Variants in EPB41L4B observed in about 807,000 individuals in gnomAD.
EPB41L4B encodes the protein band 4.1-like protein 4B.
In EPB41L4B, 30 loss-of-function variants were observed where a neutral mutation model predicts 112.5. That is an observed-to-expected ratio of 0.27 (90% CI 0.20 to 0.36). The LOEUF is 0.36. Ranked by LOEUF, EPB41L4B falls within the 10% of genes least tolerant of loss-of-function variation. EPB41L4B has a pLI of 1.00. For missense variants in EPB41L4B, 1,024 were observed against 1,133.3 expected, an observed-to-expected ratio of 0.90 and a Z score of 1.38; for synonymous variants, 408 against 439.7, an observed-to-expected ratio of 0.93 and a Z score of 0.90.
rs377327663 is a variant in EPB41L4B, at chr9:109,240,766, T to C, written c.1409+2852A>G. 4.3e-5 allele frequency: 42 copies of C among 985,474 alleles called. No individual in the cohort carries two copies. In the East Asian group the frequency reaches 4.5e-3, roughly 107 times the overall value. 61.0% of individuals were successfully genotyped at this position (985,474 alleles called of 1,614,324 possible). ...ATGATCTTGATTGCACGTTGCTTTTTAAGAGTGAAGTCTAGGGTAAAAACC... is the reference window on the plus strand; with the variant it reads ...ATGATCTTGATTGCACGTTGCTTTTCAAGAGTGAAGTCTAGGGTAAAAACC... On this transcript the variant is annotated intron_variant, in intron 15 of 25. Transcript: ENST00000374566.
intron 1 of EPB41L4B, chr9:109,300,621 A>G (rs1299164718): frequency 6.6e-6 from 1 of 152,056 alleles, no homozygotes; most frequent in African/African-American, 2.4e-5. Context: ...CCCTGTCCCT[A>G]CTAAAAATAT....
rs1372783154 is a variant in EPB41L4B at position 109,240,434 on chromosome 9, TCAAA to T, written c.1409+3180_1409+3183del. 5.1e-6 allele frequency: 5 copies of T among 985,306 alleles called. No homozygotes were observed. In the African/African-American group the frequency reaches 8.7e-5, roughly 17 times the overall value. 61.0% of individuals were successfully genotyped at this position (985,306 alleles called of 1,614,324 possible). A position where few individuals can be genotyped will look rare whatever the true frequency, so the allele number is the denominator to read the frequency against. ...TAGTAATAAAATATCTCAAAGGATG[TCAAA>T]CATTTTTTAGAGGGCCTAACATGGG... On this transcript the variant is annotated intron_variant, in intron 15 of 25. Coordinates refer to ENST00000374566, the MANE Select transcript of EPB41L4B (RefSeq NM_019114.5).
intron 11 of EPB41L4B, among the ~76,000 whole-genome samples, chr9:109,254,350 G>T (rs910056150): frequency 4.6e-5 from 7 of 152,206 alleles, no homozygotes; most frequent in African/African-American, 7.2e-5. Flanking sequence ...CCTGGGATTT[G>T]ATTGTTTCTC....
intron 1 of EPB41L4B, among the ~76,000 whole-genome samples, chr9:109,313,544 G>C (rs1475215328): frequency 6.6e-6 from 1 of 152,234 alleles, no homozygotes; most frequent in East Asian, 1.9e-4. Context: ...CTGCCCCATA[G>C]CAGCTGCTTT....
chr9:109,242,703 CT>C (rs923249475), intron 15 of EPB41L4B, among the ~76,000 whole-genome samples: 2 of 152,186 alleles, frequency 1.3e-5, no homozygotes, highest in African/African-American at 4.8e-5. Flanking sequence ...TCCATACTTT[CT>C]CAGAGAAAGG....
rs1057015392 is a variant in EPB41L4B, at chr9:109,279,904, C to T, written c.324G>A (p.Gln108=). The change falls in exon 2 of 26, where the codon CAG becomes CAA. Residue 108 remains glutamine, a synonymous_variant. Transcript: ENST00000374566. ...SVDLPKHAKG[Q]DLFDQIVYHL... ...GGTACACAATCTGATCAAACAAATCCTGGCCTTTGGCATGTTTCTGGAAGA... is the reference window on the plus strand; with the variant it reads ...GGTACACAATCTGATCAAACAAATCTTGGCCTTTGGCATGTTTCTGGAAGA... 1.3e-5 allele frequency: 21 copies of T among 1,613,686 alleles called. No individual in the cohort carries two copies. The African/African-American group carries it at 2.8e-4, about 22-fold the overall frequency.
chr9:109,267,675 G>T, intron 3 of EPB41L4B, 124 bp from the exon 4 acceptor site: 1 of 629,526 alleles, frequency 1.6e-6, no homozygotes, highest in Non-Finnish European at 2.8e-6. Context: ...AGCATAACTG[G>T]GCACGCGACA....
At chr9:109,216,842 G>A (rs1262531791) in intron 16 of EPB41L4B, 80 bp downstream of exon 16, 2 of 1,406,438 alleles carry the variant, frequency 1.4e-6, no homozygotes, top group East Asian at 4.6e-5. Context: ...GCAAGGGTCT[G>A]TCTTAAGAAT....
At chr9:109,185,024 T>C (rs764057771) in intron 23 of EPB41L4B, among the ~76,000 whole-genome samples, 71 of 152,304 alleles carry the variant, frequency 4.7e-4, no homozygotes, top group South Asian at 2.3e-3. Context: ...GAAGGAAATA[T>C]GTAAAAATGA....
intron 18 of EPB41L4B, among the ~76,000 whole-genome samples, chr9:109,206,311 G>A (rs977549722): frequency 9.2e-5 from 14 of 152,128 alleles, no homozygotes; most frequent in African/African-American, 3.1e-4. Context: ...AGCCTCCCGA[G>A]TAGTAGGATT....
intron 15 of EPB41L4B, among the ~76,000 whole-genome samples, chr9:109,224,667 T>C (rs2118874656): frequency 2.0e-5 from 3 of 152,270 alleles, no homozygotes; most frequent in Middle Eastern, 6.8e-3. Context: ...CTAAAAAACA[T>C]TAAGTTGTAC....
chr9:109,243,924 C>T (rs916182067), intron 14 of EPB41L4B, among the ~76,000 whole-genome samples: 8 of 152,176 alleles, frequency 5.3e-5, no homozygotes, highest in Non-Finnish European at 1.0e-4. Flanking sequence ...TGTGAAGGGG[C>T]TGGGAAGCTG....
At chr9:109,184,805 C>T (rs1245317491) in intron 23 of EPB41L4B, among the ~76,000 whole-genome samples, 1 of 152,306 alleles carries the variant, frequency 6.6e-6, no homozygotes, top group East Asian at 1.9e-4. Flanking sequence ...CAAATAATGA[C>T]AAACTGCGAA....
intron 4 of EPB41L4B, among the ~76,000 whole-genome samples, 166 bp from the exon 5 acceptor site, chr9:109,265,190 C>T (rs1835355990): frequency 6.6e-6 from 1 of 152,190 alleles, no homozygotes; most frequent in Non-Finnish European, 1.5e-5. Context: ...CCTCTTGGGT[C>T]TCCAGGAAGG....
At chr9:109,260,107 C>T (rs1325680655) in intron 6 of EPB41L4B, among the ~76,000 whole-genome samples, 2 of 152,124 alleles carry the variant, frequency 1.3e-5, no homozygotes, top group Non-Finnish European at 2.9e-5. Flanking sequence ...GTCTTAGTTG[C>T]CTAGGCTGGA....
chr9:109,319,576 A>T (rs986872307), intron 1 of EPB41L4B, among the ~76,000 whole-genome samples: 1 of 152,182 alleles, frequency 6.6e-6, no homozygotes, highest in Admixed American at 6.5e-5. Flanking sequence ...TCCAGAAGGG[A>T]TCAGCAGAGA....
At chr9:109,217,806 CA>C (rs768580434) in intron 15 of EPB41L4B, among the ~76,000 whole-genome samples, 4 of 152,248 alleles carry the variant, frequency 2.6e-5, no homozygotes, top group Middle Eastern at 3.4e-3. Context: ...CTCCTGGGCT[CA>C]AGTGGTCCAC....
intron 24 of EPB41L4B, among the ~76,000 whole-genome samples, chr9:109,178,264 T>C (rs1831918338): frequency 6.6e-6 from 1 of 152,180 alleles, no homozygotes; most frequent in African/African-American, 2.4e-5. Context: ...ATATTTTTGA[T>C]AATACCAGCT....
chr9:109,224,019 A>AAAAAT (rs894447680), intron 15 of EPB41L4B, among the ~76,000 whole-genome samples: 4 of 151,558 alleles, frequency 2.6e-5, no homozygotes, highest in East Asian at 1.9e-4. Flanking sequence ...CCTTTATCTC[A>AAAAAT]AAAATAAAAT....
Sources: gnomAD v4.1 joint callset for allele counts (sites outside exome capture counted in the v4.1 genomes callset) on GRCh38, gnomAD v4.1.1 for gene constraint, MANE v1.5 for transcripts, NCBI Gene and HGNC (gene_info 2026-07-23, HGNC 2026-07-21) for gene names.